Variants in RBFOX1 observed in about 807,000 individuals in gnomAD.
RBFOX1 encodes the protein RNA binding protein fox-1 homolog 1.
A neutral mutation model predicts 57.7 loss-of-function variants in RBFOX1; 8 were observed. The ratio of observed to expected loss-of-function variants is 0.14; its 90% CI spans 0.08 to 0.25. RBFOX1 has a LOEUF of 0.25. RBFOX1 is among the 10% of genes least tolerant of loss of function. RBFOX1 has a pLI of 1.00. For missense variants in RBFOX1, 611 were observed against 548.5 expected (o/e 1.11, Z -1.14); for synonymous variants, 326 against 222.4 (o/e 1.47, Z -4.15).
chr16:6,019,730 C>A lies in RBFOX1; in HGVS notation c.-389C>A. 7.3e-7 allele frequency: 1 copy of A among 1,371,552 alleles called. No homozygotes were observed. Among genetic ancestry groups the A allele is most frequent in the Non-Finnish European group, 9.4e-7 (1 of 1,062,210 alleles). The allele number at this position is 1,371,552 out of a possible 1,614,324, so 85.0% of individuals were successfully genotyped here. A position where few individuals can be genotyped will look rare whatever the true frequency, so the allele number is the denominator to read the frequency against. On this transcript the variant is annotated 5_prime_UTR_variant, in exon 1 of 16. Transcript: ENST00000550418. This position sits in a 1 kb window ranked among gnomAD's most constrained non-coding sequence, Gnocchi z 4.2. ...AGAGAGCAGGAGCGGACCGCGCGCCCGGGATTGAGAGTCCTTGCGCTCCAG... is the reference window on the plus strand; with the variant it reads ...AGAGAGCAGGAGCGGACCGCGCGCCAGGGATTGAGAGTCCTTGCGCTCCAG...
At chr16:6,720,279 C>T (rs997372550) in intron 3 of RBFOX1, among the ~76,000 whole-genome samples, 2 of 152,082 alleles carry the variant, frequency 1.3e-5, no homozygotes, top group African/African-American at 4.8e-5. Context: ...TCCCCCTTCA[C>T]TCTTTTTCTC....
chr16:6,324,974 C>T (rs1181754374), intron 2 of RBFOX1, among the ~76,000 whole-genome samples: 3 of 152,194 alleles, frequency 2.0e-5, no homozygotes, highest in Non-Finnish European at 2.9e-5. Context: ...GCAACTAAAT[C>T]AGTACAGACA....
intron 3 of RBFOX1, among the ~76,000 whole-genome samples, chr16:7,045,048 C>A (rs559633900): frequency 9.2e-5 from 14 of 152,274 alleles, no homozygotes; most frequent in African/African-American, 3.4e-4. Flanking sequence ...CAATGGACAG[C>A]TCTTTCTTCA....
At chr16:7,361,815 T>A (rs1388059617) in intron 4 of RBFOX1, among the ~76,000 whole-genome samples, 1 of 152,112 alleles carries the variant, frequency 6.6e-6, no homozygotes, top group African/African-American at 2.4e-5. Flanking sequence ...TGTGTATGTG[T>A]GTTAGTGTGT....
intron 4 of RBFOX1, among the ~76,000 whole-genome samples, chr16:7,143,053 G>A (rs1454023932): frequency 6.6e-6 from 1 of 152,046 alleles, no homozygotes; most frequent in East Asian, 1.9e-4. Context: ...TATTGTTTAT[G>A]TGTGCAGTGT....
chr16:5,929,194 G>C (rs1004488529), intron 4 of RBFOX1, among the ~76,000 whole-genome samples: 2 of 152,026 alleles, frequency 1.3e-5, no homozygotes, highest in Non-Finnish European at 2.9e-5. Flanking sequence ...CCTCCTGGTG[G>C]GCCTTCTCAC....
At chr16:5,490,710 C>A (rs551993479) in intron 2 of RBFOX1, among the ~76,000 whole-genome samples, 5 of 152,296 alleles carry the variant, frequency 3.3e-5, no homozygotes, top group African/African-American at 1.2e-4. Context: ...AGGCGGATTC[C>A]CGTGGACCAG....
At position 5,637,776 on chromosome 16, in the gene RBFOX1, T is replaced by G. The variant is rs546472278; in HGVS notation, c.318+38815T>G. ...GAAGAGAGAGCTCACATTCCCATGC[T>G]GAAGACCACCCTCCCTGGTAGTGTG... On this transcript the variant is annotated intron_variant, in intron 3 of 19. Transcript: ENST00000641259. 8.5e-5 allele frequency among the ~76,000 whole-genome samples: 13 copies of G among 152,240 alleles called. No homozygotes were observed. In the East Asian group the frequency reaches 2.1e-3, roughly 25 times the overall value.
chr16:7,512,486 G>T (rs1046714523), intron 4 of RBFOX1, among the ~76,000 whole-genome samples: 1 of 152,196 alleles, frequency 6.6e-6, no homozygotes, highest in Non-Finnish European at 1.5e-5. Flanking sequence ...ATATTAATTA[G>T]GGTCTCTCTG....
chr16:5,717,083 TG>T (rs1433054584), intron 3 of RBFOX1, among the ~76,000 whole-genome samples: 2 of 152,154 alleles, frequency 1.3e-5, no homozygotes, highest in Non-Finnish European at 2.9e-5. Flanking sequence ...TAGAAATTCT[TG>T]GAGGTGCTTT....
chr16:5,695,901 T>C (rs2050829159), intron 3 of RBFOX1, among the ~76,000 whole-genome samples: 1 of 152,170 alleles, frequency 6.6e-6, no homozygotes, highest in Admixed American at 6.5e-5. Context: ...GAACATCATG[T>C]TGTACCTCTT....
intron 3 of RBFOX1, among the ~76,000 whole-genome samples, chr16:6,731,662 G>T (rs187522714): frequency 6.6e-6 from 1 of 152,194 alleles, no homozygotes; most frequent in Admixed American, 6.5e-5. Context: ...TCCATGGGTA[G>T]GATAATGCTG....
intron 1 of RBFOX1, among the ~76,000 whole-genome samples, chr16:5,457,067 G>A (rs541959855): frequency 1.3e-5 from 2 of 152,262 alleles, no homozygotes; most frequent in East Asian, 1.9e-4. Context: ...GGGAGGACTC[G>A]CTTCCTGGTT....
At chr16:5,981,559 C>T (rs1266172045) in intron 4 of RBFOX1, among the ~76,000 whole-genome samples, 5 of 152,138 alleles carry the variant, frequency 3.3e-5, no homozygotes, top group African/African-American at 1.2e-4. Context: ...GCCTCCGCCT[C>T]CCAGGCTCAG....
intron 3 of RBFOX1, among the ~76,000 whole-genome samples, chr16:6,877,066 C>T (rs1479903821): frequency 6.6e-6 from 1 of 152,152 alleles, no homozygotes; most frequent in African/African-American, 2.4e-5. Flanking sequence ...GTGTTTGCTT[C>T]ATAACTGGCC....
chr16:7,212,901 A>T (rs1011781164), intron 4 of RBFOX1, among the ~76,000 whole-genome samples: 2 of 152,202 alleles, frequency 1.3e-5, no homozygotes. Flanking sequence ...GATGAAGGCA[A>T]TAGTGGTTAC....
Position 7,348,426 on chromosome 16 carries a change from C to T in RBFOX1, c.28-169721C>T, listed in dbSNP as rs554257225. Among the ~76,000 whole-genome samples the T allele has an allele frequency of 2.1e-5, 3 of 141,362 alleles. No individual in the cohort carries two copies. In the East Asian group the frequency reaches 5.9e-4, roughly 28 times the overall value. The allele number at this position is 141,362 out of a possible 152,430, so 92.7% of individuals were successfully genotyped here. On this transcript the variant is annotated intron_variant, in intron 4 of 15. Transcript: ENST00000550418. Reference sequence around the variant, plus strand: ...TTTTTTTTTACCTCATGAATATTTTCTGTTAGGTTTTTAAGACTAAGGTGA... The same window carrying T: ...TTTTTTTTTACCTCATGAATATTTTTTGTTAGGTTTTTAAGACTAAGGTGA...
chr16:5,863,670 C>T (rs1436668044), intron 3 of RBFOX1, among the ~76,000 whole-genome samples: 1 of 152,164 alleles, frequency 6.6e-6, no homozygotes, highest in African/African-American at 2.4e-5. Context: ...CCTAGAGGGG[C>T]CTCAGTAAAG....
At chr16:5,649,241 T>C (rs547127411) in intron 3 of RBFOX1, among the ~76,000 whole-genome samples, 1 of 152,222 alleles carries the variant, frequency 6.6e-6, no homozygotes, top group Admixed American at 6.5e-5. Flanking sequence ...CAATTTTGGC[T>C]CACTGCAACC....
Sources: allele counts gnomAD v4.1 joint callset (sites outside exome capture counted in the v4.1 genomes callset), GRCh38; gene constraint gnomAD v4.1.1; non-coding constraint Gnocchi (gnomAD v3.1); transcripts MANE v1.5; gene names NCBI Gene and HGNC (gene_info 2026-07-23, HGNC 2026-07-21).